The following RPS29 variants were observed in gnomAD, a reference collection of about 807,000 sequenced individuals.
The protein encoded by RPS29 is ribosomal protein S29, also known as small ribosomal subunit protein uS14.
For missense variants in RPS29, 60 were observed against 75.7 expected, an observed-to-expected ratio of 0.79 and a Z score of 0.77; for synonymous variants, 37 against 26.9, an observed-to-expected ratio of 1.37 and a Z score of -1.16.
intron 1 of RPS29, among the ~76,000 whole-genome samples, chr14:49,596,638 T>G (rs1881827204): frequency 6.6e-6 from 1 of 152,202 alleles, no homozygotes; most frequent in Non-Finnish European, 1.5e-5. Context: ...GGAAGATACA[T>G]TTTTGGCAGT....
exon 3 of RPS29, chr14:49,577,677 T>C: frequency 1.3e-6 from 1 of 771,898 alleles, no homozygotes; most frequent in South Asian, 1.5e-5. Context: ...CTGTTGTTAA[T>C]ACCTCTGTGT....
rs72678061 is a variant in RPS29 at position 49,584,558 on chromosome 14, A to T, written c.163-883T>A. Among the ~76,000 whole-genome samples, 558 of 152,208 alleles carry T rather than the reference A, an allele frequency of 3.7e-3. 1 individual carries two copies. The highest frequency in any genetic ancestry group is 6.4e-3 in the Non-Finnish European group (432 of 68,006). ...GGCAGGCCCATCTCCTGAGGTCAGG[A>T]CCTCAAGACCAGCTTGGCCAACATG... On this transcript the variant is annotated intron_variant, in intron 2 of 2. Coordinates refer to ENST00000245458, the MANE Select transcript of RPS29 (RefSeq NM_001032.5).
downstream of RPS29, among the ~76,000 whole-genome samples, chr14:49,582,392 G>T (rs1006057356): frequency 1.3e-5 from 2 of 152,124 alleles, no homozygotes; most frequent in African/African-American, 4.8e-5. Flanking sequence ...TTCCATCCAG[G>T]AATTCTCTTC....
At chr14:49,586,556 G>T, upstream of RPS29, 1 of 579,930 alleles carries the variant, frequency 1.7e-6, no homozygotes, top group East Asian at 2.9e-5. Context: ...AGCTTCTAGT[G>T]CTATTCTGCG....
At chr14:49,596,328 T>A (rs1457397810) in intron 1 of RPS29, among the ~76,000 whole-genome samples, 4 of 152,226 alleles carry the variant, frequency 2.6e-5, no homozygotes, top group Non-Finnish European at 1.5e-5. Context: ...TTTTAACTCC[T>A]TATGTATTTC....
At chr14:49,583,489 A>C, downstream of RPS29, 1 of 592,032 alleles carries the variant, frequency 1.7e-6, no homozygotes, top group Non-Finnish European at 2.8e-6. Flanking sequence ...CTGGCGACAG[A>C]GGGGGACTCA....
chr14:49,586,122 G>A, intron 1 of RPS29, 73 bp from the exon 2 acceptor site: 2 of 1,446,014 alleles, frequency 1.4e-6, no homozygotes, highest in Admixed American at 3.4e-5. Context: ...GCTACTACCC[G>A]CATCCCGGGA....
At chr14:49,581,856 C>T (rs1001370385), downstream of RPS29, among the ~76,000 whole-genome samples, 2 of 151,918 alleles carry the variant, frequency 1.3e-5, no homozygotes, top group Non-Finnish European at 2.9e-5. Flanking sequence ...AACCCCGTCT[C>T]TACTAAAAAC....
upstream of RPS29, chr14:49,586,654 A>G: frequency 2.4e-6 from 1 of 410,308 alleles, no homozygotes; most frequent in Non-Finnish European, 4.6e-6. Flanking sequence ...TGAGTCCAGG[A>G]GTTCTGGGCT....
At chr14:49,586,140 G>C (rs1881542576) in intron 1 of RPS29, 91 bp from the exon 2 acceptor site, 2 of 1,409,526 alleles carry the variant, frequency 1.4e-6, no homozygotes, top group Non-Finnish European at 2.0e-6. Context: ...GGACTCCCAA[G>C]CCACAGTACA....
At chr14:49,583,522 G>A, downstream of RPS29, 3 of 830,276 alleles carry the variant, frequency 3.6e-6, no homozygotes, top group Non-Finnish European at 3.5e-6. Context: ...AAAAGAAAAA[G>A]ATTTCTATAA....
At chr14:49,598,377 C>T in intron 1 of RPS29, 1 of 667,886 alleles carries the variant, frequency 1.5e-6, no homozygotes, top group Non-Finnish European at 2.7e-6. Context: ...TGCAGTTAAG[C>T]CAGTCACACT....
chr14:49,589,039 C>A (rs1387723996), upstream of RPS29, among the ~76,000 whole-genome samples: 1 of 151,786 alleles, frequency 6.6e-6, no homozygotes, highest in East Asian at 1.9e-4. Flanking sequence ...CTACAGCGCC[C>A]GCCACCATGC....
exon 3 of RPS29, chr14:49,571,218 A>C (rs1407616677): frequency 6.6e-6 from 1 of 152,218 alleles, no homozygotes; most frequent in Non-Finnish European, 1.5e-5. Flanking sequence ...ATTGGTCAAG[A>C]AAATGGTACA....
At chr14:49,592,227 AT>A (rs1566486004) in intron 1 of RPS29, 1 of 148,270 alleles carries the variant, frequency 6.7e-6, no homozygotes, top group African/African-American at 2.5e-5. Flanking sequence ...TTTTTTTTTT[AT>A]TTTTTATTTT....
chr14:49,586,439 C>T (rs1881561639), upstream of RPS29: 1 of 1,149,916 alleles, frequency 8.7e-7, no homozygotes, highest in African/African-American at 1.5e-5. Flanking sequence ...GAATGCAGTG[C>T]TCAAAGGAAA....
At position 49,586,068 on chromosome 14, in the gene RPS29, C is replaced by T. The variant is rs1424025202; in HGVS notation, c.63-19G>A. 3.7e-6 allele frequency: 6 copies of T among 1,604,454 alleles called. No individual in the cohort carries two copies. Among genetic ancestry groups the T allele is most frequent in the Middle Eastern group, 1.7e-4 (1 of 6,058 alleles). ...GACACGACTGTAAGAAAAGAGACAG[C>T]GGTTTTGCAGGTCATAGAAATTACA... On this transcript the variant is annotated intron_variant, in intron 1 of 2. Coordinates refer to ENST00000245458, the MANE Select transcript of RPS29 (RefSeq NM_001032.5).
chr14:49,595,996 G>C (rs1236981164), intron 1 of RPS29, among the ~76,000 whole-genome samples: 1 of 147,532 alleles, frequency 6.8e-6, no homozygotes, highest in African/African-American at 2.5e-5. Flanking sequence ...CTGGGCAACA[G>C]AGCGGAAGGA....
At chr14:49,585,810 TA>T (rs980313507) in intron 2 of RPS29, 139 bp downstream of exon 2, 2 of 651,770 alleles carry the variant, frequency 3.1e-6, no homozygotes, top group Non-Finnish European at 5.5e-6. Flanking sequence ...AGCTACCAAC[TA>T]AAAAAAGAGG....
Sources: gnomAD v4.1 joint callset for allele counts (sites outside exome capture counted in the v4.1 genomes callset) on GRCh38, gnomAD v4.1.1 for gene constraint, MANE v1.5 for transcripts, NCBI Gene and HGNC (gene_info 2026-07-23, HGNC 2026-07-21) for gene names.